The following TENM2 variants were observed in gnomAD, a reference collection of about 807,000 sequenced individuals.
The protein encoded by TENM2 is teneurin-2.
Under a neutral mutation model 245.2 loss-of-function variants are expected in TENM2, and 52 were observed. The observed-to-expected ratio is 0.21, with a 90% CI of 0.17 to 0.27. The LOEUF (loss-of-function observed/expected upper bound fraction) is 0.27. Ranked by LOEUF, TENM2 falls within the 10% of genes least tolerant of loss-of-function variation. TENM2 has a pLI of 1.00. For missense variants in TENM2, 3,046 were observed against 3,666.8 expected (o/e 0.83, Z 4.37); for synonymous variants, 1,363 against 1,438.9 (o/e 0.95, Z 1.19).
At chr5:168,220,288 T>C (rs1203034485) in intron 23 of TENM2, among the ~76,000 whole-genome samples, 6 of 152,100 alleles carry the variant, frequency 3.9e-5, no homozygotes, top group African/African-American at 1.4e-4. Flanking sequence ...TTGTTGGCTC[T>C]CCTGAAAGAG....
intron 1 of TENM2, among the ~76,000 whole-genome samples, chr5:167,309,127 T>C (rs1755863737): frequency 1.3e-5 from 2 of 152,128 alleles, no homozygotes; most frequent in Admixed American, 6.5e-5. Context: ...TCCTATAGAA[T>C]GATCCTTGTC....
At chr5:167,055,485 G>A in the TENM2 span, among the ~76,000 whole-genome samples, 1 of 152,036 alleles carries the variant, frequency 6.6e-6, no homozygotes, top group Non-Finnish European at 1.5e-5. Flanking sequence ...TGAATCTATA[G>A]ATCAAGTTGG....
At chr5:167,284,825 C>A in exon 1 of TENM2, 2 of 1,544,638 alleles carry the variant, frequency 1.3e-6, no homozygotes, top group South Asian at 2.4e-5. Flanking sequence ...AGCATTCTGC[C>A]ATATCTGGAA....
At chr5:167,352,857 T>G (rs1759013484) in intron 1 of TENM2, among the ~76,000 whole-genome samples, 1 of 152,200 alleles carries the variant, frequency 6.6e-6, no homozygotes, top group Admixed American at 6.5e-5. Context: ...TTTTTTCAAG[T>G]AAGCTGTCTA....
intron 1 of TENM2, among the ~76,000 whole-genome samples, chr5:167,295,041 G>A (rs1402368565): frequency 6.6e-6 from 1 of 152,116 alleles, no homozygotes; most frequent in Non-Finnish European, 1.5e-5. Flanking sequence ...AGCATACATA[G>A]CACATGGATT....
the TENM2 span, among the ~76,000 whole-genome samples, chr5:167,140,901 A>G: frequency 6.6e-6 from 1 of 152,210 alleles, no homozygotes; most frequent in Non-Finnish European, 1.5e-5. Flanking sequence ...TGCAATCTCT[A>G]TACTACCATT....
At chr5:168,223,491 C>T (rs1294005536) in intron 23 of TENM2, among the ~76,000 whole-genome samples, 37 of 128,080 alleles carry the variant, frequency 2.9e-4, no homozygotes, top group Middle Eastern at 4.9e-3. Context: ...TTTTTTGAGA[C>T]GGAGTCTTGC....
the TENM2 span, among the ~76,000 whole-genome samples, chr5:167,154,075 GGA>G: frequency 6.6e-6 from 1 of 152,114 alleles, no homozygotes; most frequent in African/African-American, 2.4e-5. Flanking sequence ...ATTTTCTTCT[GGA>G]GATTAATATT....
At chr5:168,142,439 A>G (rs915746215) in intron 12 of TENM2, among the ~76,000 whole-genome samples, 3 of 152,248 alleles carry the variant, frequency 2.0e-5, no homozygotes, top group Admixed American at 2.0e-4. Context: ...TTTTCTGAAC[A>G]GTAAGGCAAC....
the TENM2 span, among the ~76,000 whole-genome samples, chr5:167,204,703 A>C: frequency 2.8e-4 from 30 of 107,776 alleles, no homozygotes; most frequent in African/African-American, 1.1e-3. Context: ...TCACTCAGGG[A>C]GAACTGTGTG....
At chr5:167,427,369 C>T (rs2127434308) in intron 2 of TENM2, among the ~76,000 whole-genome samples, 1 of 152,128 alleles carries the variant, frequency 6.6e-6, no homozygotes, top group East Asian at 1.9e-4. Flanking sequence ...AGCAGAATTG[C>T]TTGAACCCAG....
chr5:167,929,460 G>C (rs1240802873), intron 3 of TENM2, among the ~76,000 whole-genome samples: 1 of 152,082 alleles, frequency 6.6e-6, no homozygotes, highest in Non-Finnish European at 1.5e-5. Flanking sequence ...AGAATACCCT[G>C]CACATTCCCT....
chr5:167,174,013 T>G, the TENM2 span, among the ~76,000 whole-genome samples: 442 of 152,052 alleles, frequency 2.9e-3, 3 homozygotes, highest in African/African-American at 9.9e-3. Context: ...TAATAACATT[T>G]GAGGGAGCGA....
At chr5:167,188,946 A>C in the TENM2 span, among the ~76,000 whole-genome samples, 2 of 152,162 alleles carry the variant, frequency 1.3e-5, no homozygotes, top group African/African-American at 4.8e-5. Context: ...TTAAACTGTG[A>C]ATGACCCAAA....
intron 2 of TENM2, among the ~76,000 whole-genome samples, chr5:167,820,476 T>C (rs181298118): frequency 1.3e-5 from 2 of 152,290 alleles, no homozygotes; most frequent in East Asian, 3.9e-4. Flanking sequence ...CTTTTGAAAC[T>C]GCAGCCAGGA....
chr5:167,135,562 G>A, the TENM2 span, among the ~76,000 whole-genome samples: 1 of 152,110 alleles, frequency 6.6e-6, no homozygotes, highest in Admixed American at 6.5e-5. Flanking sequence ...AGATGACAAG[G>A]TCAGGAGATC....
chr5:167,195,192 A>T, the TENM2 span, among the ~76,000 whole-genome samples: 1 of 152,054 alleles, frequency 6.6e-6, no homozygotes, highest in South Asian at 2.1e-4. Flanking sequence ...TTGATTTATT[A>T]GCTGTGTACT....
At chr5:168,203,525 G>A (rs566524246) in intron 17 of TENM2, among the ~76,000 whole-genome samples, 164 bp from the exon 20 acceptor site, 4 of 152,302 alleles carry the variant, frequency 2.6e-5, no homozygotes, top group East Asian at 3.9e-4. Flanking sequence ...TAATATTGTA[G>A]CATCACAAGG....
chr5:167,772,604 CACTT>C (rs1763474157), intron 2 of TENM2, among the ~76,000 whole-genome samples: 1 of 151,464 alleles, frequency 6.6e-6, no homozygotes, highest in Non-Finnish European at 1.5e-5. Context: ...TTGAATAAAA[CACTT>C]ACCAAGTATC....
Sources: allele counts gnomAD v4.1 joint callset (sites outside exome capture counted in the v4.1 genomes callset), GRCh38; gene constraint gnomAD v4.1.1; transcripts MANE v1.5; gene names NCBI Gene and HGNC (gene_info 2026-07-23, HGNC 2026-07-21).